RBM22: variants seen among roughly 807,000 people sequenced by gnomAD.
RBM22 encodes RNA binding motif protein 22, also known as pre-mRNA-splicing factor RBM22.
Under a neutral mutation model 50.1 loss-of-function variants are expected in RBM22, and 1 was observed. The ratio of observed to expected loss-of-function variants is 0.02; its 90% CI spans 0.01 to 0.09. The LOEUF is 0.09. Among genes scored for constraint, RBM22 ranks in the 10% least tolerant of loss-of-function variants. The pLI is 1.00. For synonymous variants in RBM22, 152 were observed against 179.0 expected (o/e 0.85, Z 1.20); for missense variants, 264 against 529.3 (o/e 0.50, Z 4.92).
In RBM22 at chr5:150,701,048, T is replaced by G. The variant is rs946982340; in HGVS notation, c.-63A>C. On this transcript the variant is annotated 5_prime_UTR_variant, in exon 1 of 11. Coordinates refer to ENST00000199814, the MANE Select transcript of RBM22 (RefSeq NM_018047.3). ...GGGAGAGAGGACCGCCACAATCCCGTCAAGCCCCGAGGCTAGCGCCGCGCC... is the reference window on the plus strand; with the variant it reads ...GGGAGAGAGGACCGCCACAATCCCGGCAAGCCCCGAGGCTAGCGCCGCGCC... 9 of 1,607,328 alleles carry G rather than the reference T, an allele frequency of 5.6e-6. No individual in the cohort carries two copies. Among genetic ancestry groups the G allele is most frequent in the Non-Finnish European group, 7.7e-6 (9 of 1,174,030 alleles).
At position 150,701,029 on chromosome 5, in the gene RBM22, G is replaced by C. The variant is rs568253694; in HGVS notation, c.-44C>G. On this transcript the variant is annotated 5_prime_UTR_variant, in exon 1 of 11. Coordinates refer to ENST00000199814, the MANE Select transcript of RBM22 (RefSeq NM_018047.3). The stretch of plus-strand genomic sequence containing the variant: ...TAGCTGTAGCTTCCGAATTGGGAGA[G>C]AGGACCGCCACAATCCCGTCAAGCC... The C allele has an allele frequency of 6.2e-6, 10 of 1,608,678 alleles. No homozygotes were observed. Among genetic ancestry groups the C allele is most frequent in the African/African-American group, 1.3e-5 (1 of 75,006 alleles).
At chr5:150,699,104 AAT>A in intron 3 of RBM22, 136 bp downstream of exon 3, 1 of 1,211,348 alleles carries the variant, frequency 8.3e-7, no homozygotes, top group Non-Finnish European at 1.1e-6. Flanking sequence ...CCAGCCAATG[AAT>A]ATATCAGTAA....
intron 2 of RBM22, 48 bp downstream of exon 2, chr5:150,700,396 A>G: frequency 6.5e-7 from 1 of 1,547,962 alleles, no homozygotes; most frequent in South Asian, 1.1e-5. Flanking sequence ...TGCAAGTACC[A>G]CAACATCGAC....
chr5:150,700,925 C>T lies in RBM22; in HGVS notation c.54+7G>A, dbSNP rs777179038. On this transcript the variant is annotated splice_region_variant and intron_variant, in intron 1 of 10. Transcript: ENST00000199814. ...TCCTTCCATCCTCCTCCGGCAGGCA[C>T]ACTCACCGCATCCTCCCAGTTCTGC... 9 of 1,614,236 alleles carry T rather than the reference C, an allele frequency of 5.6e-6. No individual in the cohort carries two copies. Among genetic ancestry groups the T allele is most frequent in the Non-Finnish European group, 7.6e-6 (9 of 1,180,038 alleles).
At chr5:150,695,407 A>C in intron 7 of RBM22, 99 bp downstream of exon 7, 1 of 1,070,942 alleles carries the variant, frequency 9.3e-7, no homozygotes, top group Non-Finnish European at 1.4e-6. Context: ...CTACAGAAAA[A>C]TGTATTTTGT....
rs554036363 is a variant in RBM22 at position 150,695,410 on chromosome 5, T to G, written c.746+96A>C. 249 of 1,081,856 alleles carry G rather than the reference T, an allele frequency of 2.3e-4. 1 individual carries two copies. In the South Asian group the frequency reaches 3.6e-3, roughly 15 times the overall value. The allele number at this position is 1,081,856 out of a possible 1,614,324, so 67.0% of individuals were successfully genotyped here. On this transcript the variant is annotated intron_variant, in intron 7 of 10. Transcript: ENST00000199814. ...ACAATAGAGAGACTACAGAAAAATG[T>G]ATTTTGTACAGAATGATCATTCTTG... is the stretch of plus-strand genomic sequence containing the variant.
At chr5:150,695,995 C>G (rs183786174) in intron 6 of RBM22, among the ~76,000 whole-genome samples, 6 of 149,190 alleles carry the variant, frequency 4.0e-5, no homozygotes, top group South Asian at 4.4e-4. Flanking sequence ...TCCCGCCCCC[C>G]AGAAAGGGAC....
chr5:150,693,136 GAACCAGACCTGGGTCCCATCTTCC>G, intron 9 of RBM22, 59 bp downstream of exon 9: 1 of 1,544,298 alleles, frequency 6.5e-7, no homozygotes, highest in Middle Eastern at 1.8e-4. Flanking sequence ...GCGGCAACAT[GAACCAGACCTGGGTCCCATCTTCC>G]AAAATAGGAA....
chr5:150,695,562 A>T lies in RBM22; in HGVS notation c.690T>A (p.Thr230=). ...GACCACCAACATATAGTGTGGTGAT[A>T]GTTTTATCCTCTGGTGGGTCCAGCC... The part of the protein sequence containing the change: ...MPRLDPPEDK[T]ITTLYVGGLG... Residue 230 remains threonine (T), a synonymous_variant, in exon 7 of 11, where the codon ACT becomes ACA. Coordinates refer to ENST00000199814, the MANE Select transcript of RBM22 (RefSeq NM_018047.3). 1 of 1,614,094 alleles carries T rather than the reference A, an allele frequency of 6.2e-7. No individual in the cohort carries two copies. Among genetic ancestry groups the T allele is most frequent in the Non-Finnish European group, 8.5e-7 (1 of 1,180,006 alleles).
intron 4 of RBM22, among the ~76,000 whole-genome samples, chr5:150,697,905 G>C (rs1341506920): frequency 1.3e-5 from 2 of 152,178 alleles, no homozygotes; most frequent in Non-Finnish European, 2.9e-5. Context: ...GCTGGCTATA[G>C]TGGCTCTGGG....
chr5:150,694,246 G>A lies in RBM22; in HGVS notation c.747-6C>T, dbSNP rs758439372. ...CGAACTGGTAGAAATGATTTCTGAA[G>A]GGAAACAGGCAGAGAAAAATGAAAG... is the stretch of plus-strand genomic sequence containing the variant. On this transcript the variant is annotated splice_region_variant and splice_polypyrimidine_tract_variant and intron_variant, in intron 7 of 10. Coordinates refer to ENST00000199814, the MANE Select transcript of RBM22 (RefSeq NM_018047.3). 1.7e-5 allele frequency: 27 copies of A among 1,605,906 alleles called. 1 individual carries two copies. The South Asian group carries it at 2.6e-4, about 15-fold the overall frequency.
At chr5:150,694,461 C>T (rs1759248442) in intron 7 of RBM22, 1 of 657,268 alleles carries the variant, frequency 1.5e-6, no homozygotes, top group South Asian at 3.6e-5. Context: ...GGTTCTCAAA[C>T]ATCTCAGGGT....
Position 150,692,990 on chromosome 5 carries a change from G to A in RBM22, c.1037C>T (p.Ser346Phe), listed in dbSNP as rs1379851302. The change falls in exon 10 of 11, where the codon TCT becomes TTT. Residue 346 changes from serine to phenylalanine, a missense_variant. Physicochemically the swap from Ser to Phe is radical, Grantham distance 155. Around this residue, in one of 7 missense-constraint regions of RBM22, gnomAD observed 106 missense variants for 137.1 expected, o/e 0.77. Coordinates refer to ENST00000199814, the MANE Select transcript of RBM22 (RefSeq NM_018047.3). ...PPPPAAEEEA[S>F]ANYFNLPPSG... ...TGGGGGCAAGTTGAAGTAGTTGGCA[G>A]AGGCTTCTTCTTCTGCTGCAGGAGG... 6.2e-7 allele frequency: 1 copy of A among 1,612,932 alleles called. No homozygotes were observed.
rs749674148 is a variant in RBM22 at position 150,692,928 on chromosome 5, G to A, written c.1099C>T (p.Pro367Ser). 4.3e-6 allele frequency: 7 copies of A among 1,612,396 alleles called. No homozygotes were observed. The East Asian group carries it at 1.1e-4, about 26-fold the overall frequency. ...PPAVVNIALPPPPGIAPPPPP... is the reference protein window; with the variant it reads ...PPAVVNIALPSPPGIAPPPPP... Reference sequence around the variant, plus strand: ...GGGGGTGGAGCAATGCCAGGGGGCGGTGGCAGAGCAATGTTCACCACAGCT... The same window carrying A: ...GGGGGTGGAGCAATGCCAGGGGGCGATGGCAGAGCAATGTTCACCACAGCT... Residue 367 changes from proline (P) to serine (S), a missense_variant, in exon 10 of 11, where the codon CCG becomes TCG. This residue lies in a region of RBM22 where 106 missense variants were observed against 137.1 expected (regional missense o/e 0.77). Transcript: ENST00000199814.
chr5:150,700,385 G>T, intron 2 of RBM22, 59 bp downstream of exon 2: 1 of 1,494,992 alleles, frequency 6.7e-7, no homozygotes, highest in Non-Finnish European at 9.3e-7. Flanking sequence ...ACTTCACAGT[G>T]TGCAAGTACC....
intron 4 of RBM22, 87 bp downstream of exon 4, chr5:150,698,412 G>A (rs550913412): frequency 1.3e-6 from 2 of 1,488,384 alleles, no homozygotes; most frequent in East Asian, 2.3e-5. Context: ...CAGAACCAGA[G>A]CTAGGGTGCG....
At chr5:150,695,850 TA>T in intron 6 of RBM22, 144 bp from the exon 7 acceptor site, 3 of 674,792 alleles carry the variant, frequency 4.4e-6, no homozygotes, top group Non-Finnish European at 7.4e-6. Flanking sequence ...TACCAAAATA[TA>T]ATTACCAAAA....
intron 8 of RBM22, among the ~76,000 whole-genome samples, chr5:150,693,827 T>C (rs562571509): frequency 2.6e-4 from 39 of 152,348 alleles, no homozygotes; most frequent in African/African-American, 8.9e-4. Context: ...TGGCCTATAA[T>C]AGCTAGTCAC....
intron 4 of RBM22, 65 bp downstream of exon 4, chr5:150,698,434 A>G: frequency 6.4e-7 from 1 of 1,569,630 alleles, no homozygotes; most frequent in Admixed American, 1.7e-5. Context: ...AGTGGGAGAC[A>G]AAAGACTGAC....
Sources: allele counts gnomAD v4.1 joint callset (sites outside exome capture counted in the v4.1 genomes callset), GRCh38; gene constraint gnomAD v4.1.1; regional missense constraint gnomAD v4.1.1; transcripts MANE v1.5; gene names NCBI Gene and HGNC (gene_info 2026-07-23, HGNC 2026-07-21).